Variants in TTC28 observed in about 807,000 individuals in gnomAD.
TTC28 encodes the protein tetratricopeptide repeat protein 28.
In TTC28, 61 loss-of-function variants were observed where a neutral mutation model predicts 198.0. The observed-to-expected ratio is 0.31, with a 90% CI of 0.25 to 0.38. The LOEUF (loss-of-function observed/expected upper bound fraction) is 0.38. Among genes scored for constraint, TTC28 ranks in the 10% least tolerant of loss-of-function variants. TTC28 has a pLI of 1.00. For missense variants in TTC28, 2,678 were observed against 3,164.0 expected (o/e 0.85, Z 3.69); for synonymous variants, 1,171 against 1,297.8 (o/e 0.90, Z 2.10).
intron 13 of TTC28, among the ~76,000 whole-genome samples, chr22:28,025,973 T>C (rs1938815156): frequency 6.6e-6 from 1 of 152,166 alleles, no homozygotes; most frequent in Non-Finnish European, 1.5e-5. Context: ...CTTGTGGAGA[T>C]GGCTCTCCTC....
chr22:27,990,015 A>AG lies in TTC28; in HGVS notation c.5578-9dup, dbSNP rs1326840678. On this transcript the variant is annotated splice_polypyrimidine_tract_variant and intron_variant, in intron 20 of 22. Transcript: ENST00000397906. ...AACCAGCACCTGGTGGAGCTGAGGA[A>AG]GGGGGGACAGCGTGAGCACCCTGTG... 1 of 1,549,322 alleles carries AG rather than the reference A, an allele frequency of 6.5e-7. No homozygotes were observed.
chr22:27,990,562 G>A (rs1234187578), intron 20 of TTC28, among the ~76,000 whole-genome samples: 1 of 152,202 alleles, frequency 6.6e-6, no homozygotes. Flanking sequence ...ACCTCAGGAG[G>A]TCAAATCAAG....
chr22:28,200,716 A>G (rs1172913328), intron 5 of TTC28, among the ~76,000 whole-genome samples: 1 of 152,114 alleles, frequency 6.6e-6, no homozygotes, highest in Non-Finnish European at 1.5e-5. Context: ...CACCTTCTCC[A>G]ACTAGCAATT....
chr22:28,589,571 A>C (rs1332124988), intron 2 of TTC28, among the ~76,000 whole-genome samples: 1 of 152,024 alleles, frequency 6.6e-6, no homozygotes, highest in Non-Finnish European at 1.5e-5. Context: ...AGCTCTCTGA[A>C]CCTGTTCTGG....
At chr22:28,495,205 G>A (rs770143645) in intron 2 of TTC28, among the ~76,000 whole-genome samples, 1 of 152,130 alleles carries the variant, frequency 6.6e-6, no homozygotes, top group Admixed American at 6.6e-5. Context: ...AACAACATGA[G>A]TTTTTAGACG....
At chr22:28,591,932 T>C (rs1428385334) in intron 2 of TTC28, among the ~76,000 whole-genome samples, 1 of 151,942 alleles carries the variant, frequency 6.6e-6, no homozygotes, top group Non-Finnish European at 1.5e-5. Flanking sequence ...TATTTGAAAA[T>C]ATGAATAAAA....
rs2146489224 is a variant in TTC28, at chr22:27,981,460, G to C, written c.*761C>G. ...AAAAAAGGTCAATAATGTTTTAAAAGCACAAAGTTGCATTTTAAATCACAA... is the reference window on the plus strand; with the variant it reads ...AAAAAAGGTCAATAATGTTTTAAAACCACAAAGTTGCATTTTAAATCACAA... On this transcript the variant is annotated 3_prime_UTR_variant, in exon 23 of 23. Transcript: ENST00000397906. 1 of 151,942 alleles carries C rather than the reference G, an allele frequency of 6.6e-6. No individual in the cohort carries two copies. The highest frequency in any genetic ancestry group is 2.4e-5 in the African/African-American group (1 of 41,482). The allele number at this position is 151,942 out of a possible 1,614,324, so 9.4% of individuals were successfully genotyped here.
rs914800589 is a variant in TTC28 at position 28,005,313 on chromosome 22, C to T, written c.4219-3760G>A. 6.6e-6 allele frequency among the ~76,000 whole-genome samples: 1 copy of T among 152,266 alleles called. No homozygotes were observed. Among genetic ancestry groups the T allele is most frequent in the South Asian group, 2.1e-4 (1 of 4,830 alleles). On this transcript the variant is annotated intron_variant, in intron 14 of 22. Transcript: ENST00000397906. This position sits in a 1 kb window ranked among gnomAD's most constrained non-coding sequence, Gnocchi z 4.9. ...AGCACTGTGGGGCTGCCCTGGGGCA[C>T]GGTGATGACAGGGGTTCCGTGAAGG...
intron 5 of TTC28, among the ~76,000 whole-genome samples, chr22:28,242,025 T>C (rs898458633): frequency 1.3e-5 from 2 of 152,194 alleles, no homozygotes; most frequent in Admixed American, 1.3e-4. Flanking sequence ...ACAAGAAGCT[T>C]AAAAGTGATA....
chr22:28,546,400 G>A (rs997891906), intron 2 of TTC28, among the ~76,000 whole-genome samples: 11 of 151,946 alleles, frequency 7.2e-5, no homozygotes, highest in Admixed American at 6.6e-4. Flanking sequence ...GAGCCGAGAG[G>A]GCACCAATGC....
chr22:28,554,754 C>T (rs2049760149), intron 2 of TTC28, among the ~76,000 whole-genome samples: 1 of 152,046 alleles, frequency 6.6e-6, no homozygotes, highest in Non-Finnish European at 1.5e-5. Context: ...ACCTGTCATC[C>T]CAGCTACTAG....
chr22:28,614,074 C>T (rs2050862667), intron 2 of TTC28, among the ~76,000 whole-genome samples: 2 of 152,148 alleles, frequency 1.3e-5, no homozygotes, highest in African/African-American at 4.8e-5. Context: ...TCTCCTTAAG[C>T]TGATAAGCAA....
intron 17 of TTC28, among the ~76,000 whole-genome samples, chr22:27,993,929 G>A (rs1339894292): frequency 1.3e-5 from 2 of 152,152 alleles, no homozygotes; most frequent in Non-Finnish European, 2.9e-5. Context: ...GCCCCATCAT[G>A]GGGTCTTGGC....
At chr22:28,392,413 G>A (rs953970039) in intron 2 of TTC28, among the ~76,000 whole-genome samples, 2 of 152,174 alleles carry the variant, frequency 1.3e-5, no homozygotes, top group Non-Finnish European at 2.9e-5. Context: ...AAGCAAGCCT[G>A]GGCAATGGCG....
At chr22:28,173,157 C>T (rs896086015) in intron 5 of TTC28, among the ~76,000 whole-genome samples, 3 of 152,154 alleles carry the variant, frequency 2.0e-5, no homozygotes, top group Admixed American at 1.3e-4. Context: ...AAATAAAGTC[C>T]GGTATTTTAC....
At chr22:28,501,096 A>AGAGCACCTACTATATGCC (rs1367642535) in intron 2 of TTC28, among the ~76,000 whole-genome samples, 1 of 152,198 alleles carries the variant, frequency 6.6e-6, no homozygotes, top group African/African-American at 2.4e-5. Flanking sequence ...GAACATCTGT[A>AGAGCACCTACTATATGCC]GAGCACCTAC....
At position 27,981,242 on chromosome 22, in the gene TTC28, T is replaced by TTTTTTTTTTTTG. The variant is rs1937008188; in HGVS notation, c.*978_*979insCAAAAAAAAAAA. The TTTTTTTTTTTTG allele has an allele frequency of 8.0e-6, 1 of 124,384 alleles. No homozygotes were observed. The highest frequency in any genetic ancestry group is 1.7e-5 in the Non-Finnish European group (1 of 58,356). The allele number at this position is 124,384 out of a possible 1,614,324, so 7.7% of individuals were successfully genotyped here. A position where few individuals can be genotyped will look rare whatever the true frequency, so the allele number is the denominator to read the frequency against. ...GTTAGCCATGGAAATTTTTTTTTTTTTTTTTTTTTTTTTTTTTTTTTTTTT... is the reference window on the plus strand; with the variant it reads ...GTTAGCCATGGAAATTTTTTTTTTTTTTTTTTTTTTTGTTTTTTTTTTTTTTTTTTTTTTTTT... On this transcript the variant is annotated 3_prime_UTR_variant, in exon 23 of 23. Coordinates refer to ENST00000397906, the MANE Select transcript of TTC28 (RefSeq NM_001145418.2).
intron 1 of TTC28, among the ~76,000 whole-genome samples, chr22:28,663,462 G>C (rs1017316151): frequency 6.9e-6 from 1 of 145,142 alleles, no homozygotes; most frequent in Non-Finnish European, 1.5e-5. Flanking sequence ...AGCCGAAGCA[G>C]GGCGAGGCAT....
chr22:28,036,529 G>A (rs552604446), intron 12 of TTC28, among the ~76,000 whole-genome samples: 1 of 152,214 alleles, frequency 6.6e-6, no homozygotes, highest in Admixed American at 6.5e-5. Context: ...GTGTGTAGAG[G>A]GAAATTTATA....
Sources: allele counts gnomAD v4.1 joint callset (sites outside exome capture counted in the v4.1 genomes callset), GRCh38; gene constraint gnomAD v4.1.1; non-coding constraint Gnocchi (gnomAD v3.1); transcripts MANE v1.5; gene names NCBI Gene and HGNC (gene_info 2026-07-23, HGNC 2026-07-21).